MLIP: variants seen among roughly 807,000 people sequenced by gnomAD.
The protein encoded by MLIP is muscular LMNA interacting protein.
Under a neutral mutation model 84.8 loss-of-function variants are expected in MLIP, and 79 were observed. That is an observed-to-expected ratio of 0.93 (90% CI 0.78 to 1.12). MLIP has a LOEUF of 1.12. MLIP is among the 50% of genes most tolerant of loss of function. The pLI is 0.00. For synonymous variants in MLIP, 504 were observed against 463.0 expected (o/e 1.09, Z -1.14); for missense variants, 1,257 against 1,160.6 (o/e 1.08, Z -1.21).
chr6:54,224,399 A>T (rs145403232), intron 11 of MLIP, among the ~76,000 whole-genome samples: 2,626 of 151,926 alleles, frequency 0.017, 71 homozygotes, highest in African/African-American at 0.059. Context: ...AACTCCAGTA[A>T]ACCAATTACC....
intron 9 of MLIP, among the ~76,000 whole-genome samples, chr6:54,187,392 G>A (rs1384967494): frequency 6.6e-6 from 1 of 151,816 alleles, no homozygotes; most frequent in African/African-American, 2.4e-5. Flanking sequence ...CAAGCAACAT[G>A]GTATTTAACG....
chr6:54,251,924 AAT>A (rs1419827262), intron 12 of MLIP, among the ~76,000 whole-genome samples: 2 of 75,802 alleles, frequency 2.6e-5, no homozygotes, highest in African/African-American at 8.0e-5. Flanking sequence ...ATATAATATA[AAT>A]ATATATTATA....
chr6:54,190,979 T>C (rs1009703028), intron 10 of MLIP, among the ~76,000 whole-genome samples: 5 of 151,828 alleles, frequency 3.3e-5, no homozygotes, highest in African/African-American at 1.2e-4. Flanking sequence ...GTATTTTTAG[T>C]AGAGATGGGG....
chr6:54,135,859 G>C (rs1272682981), intron 3 of MLIP, among the ~76,000 whole-genome samples: 1 of 152,090 alleles, frequency 6.6e-6, no homozygotes, highest in African/African-American at 2.4e-5. Flanking sequence ...TTGTTTCACA[G>C]GCTCTCCCTA....
chr6:54,029,070 T>C (rs1231485875), intron 1 of MLIP: 2 of 152,220 alleles, frequency 1.3e-5, no homozygotes, highest in Non-Finnish European at 1.5e-5. Flanking sequence ...AAAATGAACA[T>C]GTGTGTTCCA....
intron 11 of MLIP, among the ~76,000 whole-genome samples, chr6:54,214,544 C>G (rs1779716121): frequency 6.6e-6 from 1 of 152,178 alleles, no homozygotes; most frequent in Non-Finnish European, 1.5e-5. Context: ...AGTCCCAGCA[C>G]AGTTCACACA....
At chr6:54,227,617 A>G (rs910655536) in intron 11 of MLIP, among the ~76,000 whole-genome samples, 1 of 152,202 alleles carries the variant, frequency 6.6e-6, no homozygotes, top group Non-Finnish European at 1.5e-5. Context: ...GGTCATTTAC[A>G]AATCATCGGA....
chr6:54,202,285 A>G (rs754457717), intron 11 of MLIP, 52 bp downstream of exon 11: 1 of 822,120 alleles, frequency 1.2e-6, no homozygotes, highest in African/African-American at 3.0e-5. Context: ...ATAAATATAT[A>G]TAAAATATAT....
chr6:54,205,756 T>C (rs1201060301), intron 11 of MLIP, among the ~76,000 whole-genome samples: 1 of 152,188 alleles, frequency 6.6e-6, no homozygotes, highest in African/African-American at 2.4e-5. Context: ...GGAAGCATCA[T>C]TGTATATTAG....
At chr6:54,159,599 C>A (rs1295945682) in intron 5 of MLIP, among the ~76,000 whole-genome samples, 1 of 151,928 alleles carries the variant, frequency 6.6e-6, no homozygotes, top group Non-Finnish European at 1.5e-5. Flanking sequence ...CTTATCTGGT[C>A]ACAATGAAGT....
chr6:54,027,464 G>T (rs1048873672), intron 1 of MLIP, among the ~76,000 whole-genome samples: 1 of 151,002 alleles, frequency 6.6e-6, no homozygotes, highest in Admixed American at 6.6e-5. Flanking sequence ...TTTAAAAATG[G>T]TTTCTTTTAT....
chr6:54,069,901 A>G (rs1443124941), intron 1 of MLIP, among the ~76,000 whole-genome samples: 1 of 100,592 alleles, frequency 9.9e-6, no homozygotes, highest in African/African-American at 2.5e-5. Context: ...AGTTTTGTCA[A>G]CCTAATTCTT....
intron 1 of MLIP, chr6:54,031,550 G>T (rs942904598): frequency 4.3e-5 from 6 of 139,464 alleles, no homozygotes; most frequent in African/African-American, 1.6e-4. Flanking sequence ...GTGTGTGCAT[G>T]CGCTTTATCC....
chr6:54,218,359 A>G (rs1779988877), intron 11 of MLIP, among the ~76,000 whole-genome samples: 1 of 152,212 alleles, frequency 6.6e-6, no homozygotes, highest in Non-Finnish European at 1.5e-5. Context: ...GTACTGTGAA[A>G]ATACAATATA....
chr6:54,044,268 A>G (rs1031299382), intron 1 of MLIP, among the ~76,000 whole-genome samples: 6 of 152,174 alleles, frequency 3.9e-5, no homozygotes, highest in South Asian at 2.1e-4. Context: ...AAGCTGCCAC[A>G]GTTCTTTAAG....
intron 1 of MLIP, among the ~76,000 whole-genome samples, chr6:54,059,267 C>A (rs1226045045): frequency 2.6e-5 from 4 of 152,140 alleles, no homozygotes; most frequent in Non-Finnish European, 4.4e-5. Flanking sequence ...TTAACTCAGG[C>A]TTTTACTCAG....
chr6:54,029,347 G>T (rs544791987), intron 1 of MLIP: 4 of 152,312 alleles, frequency 2.6e-5, no homozygotes, highest in African/African-American at 7.2e-5. Flanking sequence ...TGCCCTTCTA[G>T]CAGGGCTTGA....
chr6:54,232,637 C>T (rs972935156), intron 12 of MLIP, among the ~76,000 whole-genome samples: 1 of 152,184 alleles, frequency 6.6e-6, no homozygotes, highest in Non-Finnish European at 1.5e-5. Context: ...TCTATGTTTA[C>T]AAACATTGTT....
At chr6:54,182,377 C>G (rs185522831) in intron 9 of MLIP, among the ~76,000 whole-genome samples, 1 of 152,166 alleles carries the variant, frequency 6.6e-6, no homozygotes, top group Non-Finnish European at 1.5e-5. Context: ...TGCATGGTCA[C>G]TACTGGGGAG....
Sources: gnomAD v4.1 joint callset for allele counts (sites outside exome capture counted in the v4.1 genomes callset) on GRCh38, gnomAD v4.1.1 for gene constraint, MANE v1.5 for transcripts, NCBI Gene and HGNC (gene_info 2026-07-23, HGNC 2026-07-21) for gene names.